Variants in MINDY4 observed in about 807,000 individuals in gnomAD.
MINDY4 encodes MINDY lysine 48 deubiquitinase 4.
A neutral mutation model predicts 87.0 loss-of-function variants in MINDY4; 68 were observed. The ratio of observed to expected loss-of-function variants is 0.78; its 90% CI spans 0.64 to 0.96. MINDY4 has a LOEUF of 0.96. Among genes scored for constraint, MINDY4 ranks in the 40% least tolerant of loss-of-function variants. MINDY4 has a pLI of 0.00. For missense variants in MINDY4, 919 were observed against 928.2 expected (o/e 0.99, Z 0.13); for synonymous variants, 379 against 363.2 (o/e 1.04, Z -0.50).
intron 16 of MINDY4, 115 bp from the exon 17 acceptor site, chr7:30,882,806 T>C (rs1790510818): frequency 1.2e-6 from 1 of 857,268 alleles, no homozygotes; most frequent in South Asian, 1.6e-5. Flanking sequence ...CCAGTTGAGA[T>C]GGAGAGGAGG....
At position 30,778,474 on chromosome 7, in the gene MINDY4, C is replaced by T. The variant is rs188045001; in HGVS notation, c.106C>T (p.Arg36Cys). The change falls in exon 2 of 18, where the codon CGC (arginine) becomes TGC (cysteine). Residue 36 changes from arginine to cysteine, a missense_variant. Transcript: ENST00000265299. ...TCVTMDQERP[R>C]SDLSINNRND... ...TGTGACCATGGACCAGGAACGCCCA[C>T]GCTCTGACCTCAGCATAAACAACAG... is the stretch of plus-strand genomic sequence containing the variant. The T allele has an allele frequency of 9.2e-5, 148 of 1,614,208 alleles. 2 individuals are homozygous for T. The East Asian group carries it at 1.9e-3, about 21-fold the overall frequency.
intron 5 of MINDY4, among the ~76,000 whole-genome samples, chr7:30,823,764 T>A (rs1484487101): frequency 6.6e-6 from 1 of 152,206 alleles, no homozygotes; most frequent in Non-Finnish European, 1.5e-5. Context: ...ACATGGTACA[T>A]CATTTCTCAT....
intron 11 of MINDY4, 38 bp from the exon 12 acceptor site, chr7:30,853,356 G>A (rs34611979): frequency 3.2e-6 from 5 of 1,579,938 alleles, no homozygotes; most frequent in African/African-American, 1.3e-5. Flanking sequence ...ACTGCGTGGG[G>A]CTTGGGCCAC....
intron 17 of MINDY4, among the ~76,000 whole-genome samples, chr7:30,884,220 G>A (rs984347428): frequency 6.6e-6 from 1 of 152,156 alleles, no homozygotes; most frequent in Non-Finnish European, 1.5e-5. Flanking sequence ...AAAGAGAAAT[G>A]TTCACATGGT....
chr7:30,857,461 G>GTTTTT lies in MINDY4; in HGVS notation c.1678-1771_1678-1767dup, dbSNP rs1176212442. 2.7e-4 allele frequency among the ~76,000 whole-genome samples: 16 copies of GTTTTT among 58,984 alleles called. 2 individuals are homozygous for GTTTTT. Among genetic ancestry groups the GTTTTT allele is most frequent in the Non-Finnish European group, 3.7e-4 (13 of 35,040 alleles). 38.7% of individuals were successfully genotyped at this position (58,984 alleles called of 152,430 possible). On this transcript the variant is annotated intron_variant, in intron 12 of 17. Transcript: ENST00000265299. ...AAGAGGAGAGATCCATATCCACCTT[G>GTTTTT]TTTTTTTTTTTTTTTTTTTTTTTTT... is the stretch of plus-strand genomic sequence containing the variant.
chr7:30,855,485 G>A (rs1306503707), intron 12 of MINDY4, among the ~76,000 whole-genome samples: 2 of 152,222 alleles, frequency 1.3e-5, no homozygotes, highest in African/African-American at 2.4e-5. Flanking sequence ...GAAGCAGAAC[G>A]TGGAGCCACC....
chr7:30,875,549 G>T lies in MINDY4; in HGVS notation c.1864G>T (p.Val622Leu). 6.2e-7 allele frequency: 1 copy of T among 1,614,264 alleles called. No homozygotes were observed. Among genetic ancestry groups the T allele is most frequent in the Non-Finnish European group, 8.5e-7 (1 of 1,180,042 alleles). Reference sequence around the variant, plus strand: ...AGCTGTGTCCAACGTTTTCAACGATGTGGTTGAGCTGGATTCTGGGGATGG... The same window carrying T: ...AGCTGTGTCCAACGTTTTCAACGATTTGGTTGAGCTGGATTCTGGGGATGG... ...GKAVSNVFND[V>L]VELDSGDGNI... The change falls in exon 15 of 18, where the codon GTG becomes TTG. Residue 622 changes from valine (V) to leucine (L), a missense_variant. Physicochemically the swap from Val to Leu is conservative, Grantham distance 32. Coordinates refer to ENST00000265299, the MANE Select transcript of MINDY4 (RefSeq NM_032222.3).
At chr7:30,881,051 T>C (rs998815313) in intron 15 of MINDY4, among the ~76,000 whole-genome samples, 9 of 152,154 alleles carry the variant, frequency 5.9e-5, no homozygotes, top group Non-Finnish European at 1.2e-4. Flanking sequence ...CTTTCTTTAA[T>C]CCACAGGCTG....
At chr7:30,774,861 T>A (rs879806985) in intron 1 of MINDY4, among the ~76,000 whole-genome samples, 2 of 152,016 alleles carry the variant, frequency 1.3e-5, no homozygotes, top group Non-Finnish European at 2.9e-5. Context: ...TCTCTTCTCT[T>A]CTTCTTTCCG....
At chr7:30,819,320 G>C (rs180957913) in intron 5 of MINDY4, among the ~76,000 whole-genome samples, 1 of 152,292 alleles carries the variant, frequency 6.6e-6, no homozygotes, top group East Asian at 1.9e-4. Context: ...TTTTGGGGGA[G>C]TGTAGAGGAG....
intron 5 of MINDY4, among the ~76,000 whole-genome samples, chr7:30,816,528 G>A (rs1335530296): frequency 2.0e-5 from 3 of 152,202 alleles, no homozygotes; most frequent in Admixed American, 6.5e-5. Flanking sequence ...CTGGAGTACA[G>A]CATGTGTTCT....
At chr7:30,850,641 G>A (rs1584314048) in intron 10 of MINDY4, 86 bp downstream of exon 10, 20 of 1,241,852 alleles carry the variant, frequency 1.6e-5, no homozygotes, top group East Asian at 1.5e-4. Flanking sequence ...CCTATCCTTG[G>A]GTCCTTCCGT....
chr7:30,859,364 G>T, intron 13 of MINDY4, 40 bp downstream of exon 13: 1 of 1,591,748 alleles, frequency 6.3e-7, no homozygotes, highest in South Asian at 1.1e-5. Flanking sequence ...GGCTGGGCTG[G>T]TCTGTCTTGT....
intron 12 of MINDY4, among the ~76,000 whole-genome samples, chr7:30,855,376 G>A (rs181963104): frequency 1.3e-5 from 2 of 152,354 alleles, no homozygotes; most frequent in Non-Finnish European, 2.9e-5. Flanking sequence ...TTGTGAGAGT[G>A]CAGCAGTCAC....
chr7:30,887,391 G>C (rs1028434322), intron 17 of MINDY4, among the ~76,000 whole-genome samples: 86 of 152,328 alleles, frequency 5.6e-4, no homozygotes, highest in African/African-American at 2.0e-3. Context: ...CTGTCCCTGG[G>C]GTCTAAGGAT....
intron 15 of MINDY4, among the ~76,000 whole-genome samples, chr7:30,880,517 A>C (rs1054553532): frequency 6.6e-6 from 1 of 152,112 alleles, no homozygotes; most frequent in Non-Finnish European, 1.5e-5. Context: ...CCGTTGGAAA[A>C]TTCAGGGTGG....
chr7:30,884,814 C>T (rs1253304430), intron 17 of MINDY4, among the ~76,000 whole-genome samples: 2 of 152,192 alleles, frequency 1.3e-5, no homozygotes, highest in African/African-American at 2.4e-5. Flanking sequence ...TGTTTGAGAT[C>T]GACCTGGGGC....
intron 6 of MINDY4, among the ~76,000 whole-genome samples, chr7:30,829,641 T>C (rs1788635155): frequency 6.6e-6 from 1 of 152,044 alleles, no homozygotes; most frequent in African/African-American, 2.4e-5. Flanking sequence ...GAGGTGGAGG[T>C]GGGGGTTTGT....
chr7:30,850,540 G>C lies in MINDY4; in HGVS notation c.1532G>C (p.Arg511Thr). 6.2e-7 allele frequency: 1 copy of C among 1,605,218 alleles called. No homozygotes were observed. The highest frequency in any genetic ancestry group is 2.2e-5 in the East Asian group (1 of 44,486). ...DIVWRAGGRE[R>T]AVVALASRTQ... Reference sequence around the variant, plus strand: ...GTGTGGCGGGCAGGGGGCCGAGAGAGAGCCGTTGTTGCACTGTAAGTGGTT... The same window carrying C: ...GTGTGGCGGGCAGGGGGCCGAGAGACAGCCGTTGTTGCACTGTAAGTGGTT... Residue 511 changes from arginine (R) to threonine (T), a missense_variant, in exon 10 of 18, where the codon AGA (arginine) becomes ACA (threonine). Physicochemically the swap from Arg to Thr is moderately conservative, Grantham distance 71. Transcript: ENST00000265299.
Sources: allele counts gnomAD v4.1 joint callset (sites outside exome capture counted in the v4.1 genomes callset), GRCh38; gene constraint gnomAD v4.1.1; transcripts MANE v1.5; gene names NCBI Gene and HGNC (gene_info 2026-07-23, HGNC 2026-07-21).